Variants in MUC12 observed in about 807,000 individuals in gnomAD.
The protein encoded by MUC12 is mucin-12.
Under a neutral mutation model 230.8 loss-of-function variants are expected in MUC12, and 172 were observed. The observed-to-expected ratio is 0.75, with a 90% CI of 0.66 to 0.85. MUC12 has a LOEUF of 0.85. MUC12 is among the 40% of genes least tolerant of loss of function. MUC12 has a pLI of 0.00. For synonymous variants in MUC12, 1,259 were observed against 2,401.9 expected, an observed-to-expected ratio of 0.52 and a Z score of 13.91; for missense variants, 3,506 against 5,920.6, an observed-to-expected ratio of 0.59 and a Z score of 13.38.
At chr7:101,010,239 T>C (rs763320590) in intron 5 of MUC12, among the ~76,000 whole-genome samples, 2 of 151,502 alleles carry the variant, frequency 1.3e-5, no homozygotes, top group Non-Finnish European at 2.9e-5. Context: ...GGGAAGGAGA[T>C]GATGAGTTCA....
At chr7:101,017,779 C>CT (rs1793959308) in intron 11 of MUC12, 116 bp downstream of exon 11, 2 of 680,922 alleles carry the variant, frequency 2.9e-6, no homozygotes, top group African/African-American at 2.0e-5. Flanking sequence ...CTGGGACTCC[C>CT]TCCCTTCCCC....
At position 101,005,302 on chromosome 7, in the gene MUC12, C is replaced by T. The variant is rs61730249; in HGVS notation, c.14739C>T (p.Asp4913=). Residue 4913 remains aspartate (D), a synonymous_variant, in exon 2 of 12, where the codon GAC becomes GAT. Transcript: ENST00000536621. Reference sequence around the variant, plus strand: ...CAACAGCCTTCCACAGCAGCTCAGACGCAACTGGAACAACACCCTTACCTG... The same window carrying T: ...CAACAGCCTTCCACAGCAGCTCAGATGCAACTGGAACAACACCCTTACCTG... ...QESTAFHSSS[D]ATGTTPLPAR... is the part of the protein sequence containing the mutation. The T allele has an allele frequency of 9.4e-4, 1,442 of 1,537,744 alleles. 6 individuals are homozygous for T. The African/African-American group carries it at 0.015, about 16-fold the overall frequency.
intron 1 of MUC12, among the ~76,000 whole-genome samples, chr7:100,976,291 A>AT (rs1793029588): frequency 6.7e-6 from 1 of 149,054 alleles, no homozygotes; most frequent in African/African-American, 2.5e-5. Context: ...AAAATAAAAA[A>AT]ATATATATAT....
chr7:101,005,187 G>T lies in MUC12; in HGVS notation c.14624G>T (p.Ser4875Ile), dbSNP rs1026750801. ...CACAGCAACACAATGTCCATTCATA[G>T]TCAACAATCTACACCCTTCCCTGAC... ...FSHSNTMSIH[S>I]QQSTPFPDSP... is the part of the protein sequence containing the mutation. Residue 4875 changes from serine (S) to isoleucine (I), a missense_variant, in exon 2 of 12, where the codon AGT becomes ATT. Ser to Ile is a moderately radical substitution (Grantham distance 142). Coordinates refer to ENST00000536621, the MANE Select transcript of MUC12 (RefSeq NM_001164462.2). 1 of 1,537,542 alleles carries T rather than the reference G, an allele frequency of 6.5e-7. No individual in the cohort carries two copies. Among genetic ancestry groups the T allele is most frequent in the Non-Finnish European group, 8.7e-7 (1 of 1,146,982 alleles).
intron 1 of MUC12, among the ~76,000 whole-genome samples, chr7:100,985,639 C>G (rs1351655847): frequency 6.6e-6 from 1 of 152,166 alleles, no homozygotes; most frequent in Non-Finnish European, 1.5e-5. Context: ...ATCTCTTTCA[C>G]TGTCTCAGTC....
In MUC12 at chr7:100,991,484, C is replaced by T; in HGVS notation, c.921C>T (p.Ser307=). The T allele has an allele frequency of 2.0e-6, 3 of 1,537,478 alleles. No individual in the cohort carries two copies. In the South Asian group the frequency reaches 3.6e-5, roughly 18 times the overall value. Residue 307 remains serine (S), a synonymous_variant, in exon 2 of 12, where the codon AGC becomes AGT. Coordinates refer to ENST00000536621, the MANE Select transcript of MUC12 (RefSeq NM_001164462.2). ...AFVKLSTTYH[S]SPSSTPTTHF... is the part of the protein sequence containing the mutation. The stretch of plus-strand genomic sequence containing the variant: ...TTAAACTATCTACAACTTATCACAG[C>T]AGCCCGAGCTCAACTCCAACAACCC...
chr7:100,984,186 T>C (rs140225372), intron 1 of MUC12, among the ~76,000 whole-genome samples: 13 of 151,654 alleles, frequency 8.6e-5, no homozygotes, highest in African/African-American at 2.9e-4. Context: ...CGTATAGTAT[T>C]ACACTCTCAA....
chr7:101,000,853 T>G lies in MUC12; in HGVS notation c.10290T>G (p.Val3430=), dbSNP rs1793586023. ...TACCTGCCCGCTCCACAACCTCAGTTCTTCTTGGAGAATCTACGACCTCAC... is the reference window on the plus strand; with the variant it reads ...TACCTGCCCGCTCCACAACCTCAGTGCTTCTTGGAGAATCTACGACCTCAC... ...IVLPARSTTS[V]LLGESTTSPI... Residue 3430 remains valine, a synonymous_variant, in exon 2 of 12, where the codon GTT becomes GTG. Coordinates refer to ENST00000536621, the MANE Select transcript of MUC12 (RefSeq NM_001164462.2). 1 of 1,076,520 alleles carries G rather than the reference T, an allele frequency of 9.3e-7. No individual in the cohort carries two copies. The highest frequency in any genetic ancestry group is 1.6e-5 in the African/African-American group (1 of 63,198). 66.7% of individuals were successfully genotyped at this position (1,076,520 alleles called of 1,614,324 possible).
In MUC12 at chr7:101,018,826, C is replaced by T. The variant is rs1053898392; in HGVS notation, c.*190C>T. On this transcript the variant is annotated 3_prime_UTR_variant, in exon 12 of 12. Transcript: ENST00000536621. ...CTGGGGAAGGCTGGGGGCTGTAAGC[C>T]TCTCCATCCGGGAGCTTCCAGACTC... 3.7e-6 allele frequency: 2 copies of T among 539,666 alleles called. No individual in the cohort carries two copies. Among genetic ancestry groups the T allele is most frequent in the African/African-American group, 2.0e-5 (1 of 50,510 alleles). The allele number at this position is 539,666 out of a possible 1,614,324, so 33.4% of individuals were successfully genotyped here.
chr7:101,008,755 G>T lies in MUC12; in HGVS notation c.15180G>T (p.Lys5060Asn), dbSNP rs1416860201. ...ACCAGAACTTCAGTACCCTCTTCAA[G>T]AATCGGGTAAGACCAGGGCACACCC... ...QEYQNFSTLFKNRMDVVLKGD... is the reference protein window; with the variant it reads ...QEYQNFSTLFNNRMDVVLKGD... The change falls in exon 4 of 12, where the codon AAG becomes AAT. Residue 5060 changes from lysine (K) to asparagine (N), a missense_variant. Coordinates refer to ENST00000536621, the MANE Select transcript of MUC12 (RefSeq NM_001164462.2). 1 of 1,537,052 alleles carries T rather than the reference G, an allele frequency of 6.5e-7. No individual in the cohort carries two copies. Among genetic ancestry groups the T allele is most frequent in the Admixed American group, 2.0e-5 (1 of 50,970 alleles).
rs1792798283 is a variant in MUC12 at position 100,969,565 on chromosome 7, A to C, written c.-58A>C. ...GCTGATCCCTTCCTGGGAGGCCTTCATTTCTTGGTCCCTCCTGATGAGAGA... is the reference window on the plus strand; with the variant it reads ...GCTGATCCCTTCCTGGGAGGCCTTCCTTTCTTGGTCCCTCCTGATGAGAGA... On this transcript the variant is annotated 5_prime_UTR_variant, in exon 1 of 12. Transcript: ENST00000536621. 6.5e-7 allele frequency: 1 copy of C among 1,537,178 alleles called. No individual in the cohort carries two copies. The highest frequency in any genetic ancestry group is 1.7e-4 in the Middle Eastern group (1 of 5,992).
chr7:101,004,998 G>A lies in MUC12; in HGVS notation c.14435G>A (p.Ser4812Asn). Residue 4812 changes from serine (S) to asparagine (N), a missense_variant, in exon 2 of 12, where the codon AGC (serine) becomes AAC (asparagine). Physicochemically the swap from Ser to Asn is conservative, Grantham distance 46. Transcript: ENST00000536621. ...ACTGAGACAACACTGTCCCCTGGCA[G>A]CATCACAACTTCATCTTTTGCTCAA... ...GSTETTLSPG[S>N]ITTSSFAQEF... 6.5e-7 allele frequency: 1 copy of A among 1,537,642 alleles called. No homozygotes were observed. Among genetic ancestry groups the A allele is most frequent in the East Asian group, 2.4e-5 (1 of 40,908 alleles).
chr7:100,971,052 A>C (rs1792872749), intron 1 of MUC12, among the ~76,000 whole-genome samples: 1 of 152,136 alleles, frequency 6.6e-6, no homozygotes. Context: ...GCTACTCAGG[A>C]GGCTGAGGCA....
In MUC12 at chr7:101,004,826, G is replaced by A; in HGVS notation, c.14263G>A (p.Ala4755Thr). The change falls in exon 2 of 12, where the codon GCC (alanine) becomes ACC (threonine). Residue 4755 changes from alanine to threonine, a missense_variant. Physicochemically the swap from Ala to Thr is moderately conservative, Grantham distance 58. Coordinates refer to ENST00000536621, the MANE Select transcript of MUC12 (RefSeq NM_001164462.2). The stretch of plus-strand genomic sequence containing the variant: ...ATCACCAGACCAAACACTCTCACCT[G>A]CCAGCATGACAAGCTCCAGCATCAG... ...SRSPDQTLSP[A>T]SMTSSSISGE... 6.5e-7 allele frequency: 1 copy of A among 1,537,012 alleles called. No individual in the cohort carries two copies.
At position 100,991,077 on chromosome 7, in the gene MUC12, C is replaced by T. The variant is rs61746937; in HGVS notation, c.514C>T (p.Pro172Ser). 0.012 allele frequency: 17,752 copies of T among 1,537,612 alleles called. 484 individuals are homozygous for T. Among genetic ancestry groups the T allele is most frequent in the African/African-American group, 0.11 (7,961 of 73,076 alleles). The change falls in exon 2 of 12, where the codon CCA becomes TCA. Residue 172 changes from proline (P) to serine (S), a missense_variant. Pro to Ser is a moderately conservative substitution (Grantham distance 74). Coordinates refer to ENST00000536621, the MANE Select transcript of MUC12 (RefSeq NM_001164462.2). ...SEKSTTSHSR[P>S]GPTHTIAFPD... ...AAAATCAACCACCTCCCACAGCCGA[C>T]CAGGCCCAACGCACACAATAGCGTT...
chr7:100,983,899 G>T (rs1271556945), intron 1 of MUC12, among the ~76,000 whole-genome samples: 1 of 152,080 alleles, frequency 6.6e-6, no homozygotes, highest in African/African-American at 2.4e-5. Context: ...TTTAAAAGAA[G>T]AAGGAAAAAA....
rs1793795212 is a variant in MUC12 at position 101,008,746 on chromosome 7, C to G, written c.15171C>G (p.Thr5057=). The change falls in exon 4 of 12, where the codon ACC becomes ACG. Residue 5057 remains threonine (T), a synonymous_variant. Transcript: ENST00000536621. ...CCCAGGAATACCAGAACTTCAGTAC[C>G]CTCTTCAAGAATCGGGTAAGACCAG... ...ASSQEYQNFS[T]LFKNRMDVVL... is the part of the protein sequence containing the mutation. 20 of 1,537,088 alleles carry G rather than the reference C, an allele frequency of 1.3e-5. No homozygotes were observed. The highest frequency in any genetic ancestry group is 1.7e-5 in the Non-Finnish European group (19 of 1,146,848).
intron 1 of MUC12, among the ~76,000 whole-genome samples, chr7:100,970,220 C>T (rs1460281081): frequency 6.6e-6 from 1 of 152,308 alleles, no homozygotes; most frequent in African/African-American, 2.4e-5. Flanking sequence ...GGCGTGGTGG[C>T]TCATGCTTGT....
chr7:100,977,480 C>T (rs1793050521), intron 1 of MUC12, among the ~76,000 whole-genome samples: 1 of 151,892 alleles, frequency 6.6e-6, no homozygotes, highest in South Asian at 2.1e-4. Context: ...ATTCTCCTGC[C>T]TCAGCCTTCT....
Sources: gnomAD v4.1 joint callset for allele counts (sites outside exome capture counted in the v4.1 genomes callset) on GRCh38, gnomAD v4.1.1 for gene constraint, MANE v1.5 for transcripts, NCBI Gene and HGNC (gene_info 2026-07-23, HGNC 2026-07-21) for gene names.